Variants in CTNND2 observed in about 807,000 individuals in gnomAD.
CTNND2 encodes the protein catenin delta-2.
In CTNND2, 22 loss-of-function variants were observed where a neutral mutation model predicts 144.4. That is an observed-to-expected ratio of 0.15 (90% CI 0.11 to 0.22). The LOEUF (loss-of-function observed/expected upper bound fraction) is 0.22, where lower values mean the gene tolerates loss of function less well. Ranked by LOEUF, CTNND2 falls within the 10% of genes least tolerant of loss-of-function variation. The probability of loss-of-function intolerance (pLI) is 1.00; values close to 1 mark genes in which losing one functional copy is unlikely to be tolerated. For missense variants in CTNND2, 1,353 were observed against 1,618.8 expected, an observed-to-expected ratio of 0.84 and a Z score of 2.82; for synonymous variants, 751 against 695.6, an observed-to-expected ratio of 1.08 and a Z score of -1.25.
At chr5:11,552,044 G>C (rs150894214) in intron 3 of CTNND2, among the ~76,000 whole-genome samples, 14 of 152,184 alleles carry the variant, frequency 9.2e-5, no homozygotes, top group Non-Finnish European at 1.9e-4. Flanking sequence ...TGCTGAACCC[G>C]AACCTGAGCC....
chr5:10,990,431 G>A (rs148607390), intron 19 of CTNND2, among the ~76,000 whole-genome samples: 3 of 152,226 alleles, frequency 2.0e-5, no homozygotes, highest in African/African-American at 7.2e-5. Context: ...CTGGTTCCTC[G>A]CTAACCTCTT....
intron 2 of CTNND2, among the ~76,000 whole-genome samples, chr5:11,590,047 A>T (rs910481530): frequency 2.8e-5 from 4 of 144,366 alleles, no homozygotes; most frequent in African/African-American, 7.7e-5. Flanking sequence ...GATTTTGTAA[A>T]TTTTTTTTTT....
At chr5:11,599,734 G>A (rs549714824) in intron 2 of CTNND2, among the ~76,000 whole-genome samples, 6 of 152,262 alleles carry the variant, frequency 3.9e-5, no homozygotes, top group South Asian at 4.1e-4. Context: ...AAGTGATTGC[G>A]AAAATGGAGT....
intron 16 of CTNND2, among the ~76,000 whole-genome samples, chr5:11,041,210 T>C (rs545662209): frequency 6.6e-6 from 1 of 152,212 alleles, no homozygotes; most frequent in Non-Finnish European, 1.5e-5. Context: ...CAATTAAGGA[T>C]ATGGAGAGAG....
intron 1 of CTNND2, among the ~76,000 whole-genome samples, chr5:11,769,600 C>T (rs946389919): frequency 6.6e-6 from 1 of 152,092 alleles, no homozygotes; most frequent in Non-Finnish European, 1.5e-5. Flanking sequence ...ATCACTGAAA[C>T]AGACACTTAA....
chr5:11,715,751 A>G (rs1581764869), intron 2 of CTNND2, among the ~76,000 whole-genome samples: 1 of 152,212 alleles, frequency 6.6e-6, no homozygotes, highest in Non-Finnish European at 1.5e-5. Flanking sequence ...TGCCAAATAC[A>G]TGATTTAGTT....
chr5:10,990,378 C>T (rs1014991609), intron 19 of CTNND2, among the ~76,000 whole-genome samples: 5 of 152,178 alleles, frequency 3.3e-5, no homozygotes, highest in Non-Finnish European at 4.4e-5. Context: ...AGCTCTGTGC[C>T]CTGTCACTCA....
intron 3 of CTNND2, among the ~76,000 whole-genome samples, chr5:11,530,310 T>A (rs1396596323): frequency 6.6e-6 from 1 of 152,096 alleles, no homozygotes; most frequent in African/African-American, 2.4e-5. Context: ...TAATCCTGCC[T>A]CGATAACCAT....
intron 1 of CTNND2, among the ~76,000 whole-genome samples, chr5:11,783,208 G>A (rs1219708904): frequency 2.6e-5 from 4 of 152,126 alleles, no homozygotes; most frequent in Non-Finnish European, 5.9e-5. Context: ...GAGAATGCAG[G>A]AGAATTTCCT....
At chr5:11,062,833 G>A (rs907394709) in intron 16 of CTNND2, among the ~76,000 whole-genome samples, 1 of 152,178 alleles carries the variant, frequency 6.6e-6, no homozygotes, top group African/African-American at 2.4e-5. Flanking sequence ...TCTTTCACAC[G>A]TTCCCTTCTC....
chr5:11,112,071 G>A (rs905597872), intron 13 of CTNND2, among the ~76,000 whole-genome samples: 2 of 152,062 alleles, frequency 1.3e-5, no homozygotes, highest in Non-Finnish European at 2.9e-5. Context: ...GGATGGTCTC[G>A]ATCTCCTGAC....
intron 9 of CTNND2, among the ~76,000 whole-genome samples, chr5:11,261,909 T>C (rs572386569): frequency 6.6e-6 from 1 of 152,326 alleles, no homozygotes; most frequent in Admixed American, 6.5e-5. Flanking sequence ...AGCCCAGTGG[T>C]GTTAGATAAA....
At chr5:11,015,411 A>G (rs1433318669) in intron 18 of CTNND2, among the ~76,000 whole-genome samples, 2 of 152,250 alleles carry the variant, frequency 1.3e-5, no homozygotes. Flanking sequence ...TCATGGGTCC[A>G]CTGAAAACAT....
chr5:11,187,542 C>T (rs531799115), intron 11 of CTNND2, among the ~76,000 whole-genome samples: 4 of 152,140 alleles, frequency 2.6e-5, no homozygotes, highest in South Asian at 2.1e-4. Flanking sequence ...GACATAGGCA[C>T]GGGTAAAGAT....
At chr5:11,025,632 A>C (rs1471707066) in intron 16 of CTNND2, among the ~76,000 whole-genome samples, 2 of 152,218 alleles carry the variant, frequency 1.3e-5, no homozygotes, top group African/African-American at 2.4e-5. Flanking sequence ...GTGCATTAAG[A>C]AGGAAGGTTT....
In CTNND2 at chr5:11,762,832, T is replaced by C. The variant is rs571818518; in HGVS notation, c.38-30560A>G. Among the ~76,000 whole-genome samples the C allele has an allele frequency of 2.6e-5, 4 of 152,306 alleles. No individual in the cohort carries two copies. In the East Asian group the frequency reaches 5.8e-4, roughly 22 times the overall value. On this transcript the variant is annotated intron_variant, in intron 1 of 21. Transcript: ENST00000304623. The stretch of plus-strand genomic sequence containing the variant: ...TGGATCTGAAACCACACATTTGAGT[T>C]CACAAAAGAATGATAATTCACCAAC...
chr5:11,452,762 A>T (rs945509572), intron 3 of CTNND2, among the ~76,000 whole-genome samples: 1 of 152,232 alleles, frequency 6.6e-6, no homozygotes, highest in African/African-American at 2.4e-5. Context: ...TCTGGCATAG[A>T]ATCTAAACTT....
intron 16 of CTNND2, among the ~76,000 whole-genome samples, chr5:11,051,726 T>A (rs965931235): frequency 1.3e-5 from 2 of 152,220 alleles, no homozygotes; most frequent in African/African-American, 2.4e-5. Context: ...AGAGCATGAA[T>A]ATCCACCAAC....
chr5:11,095,077 G>C (rs1427761300), intron 15 of CTNND2, among the ~76,000 whole-genome samples: 2 of 152,182 alleles, frequency 1.3e-5, no homozygotes, highest in African/African-American at 4.8e-5. Flanking sequence ...ATTATGTAAA[G>C]TAGAAGAGAC....
Sources: gnomAD v4.1 joint callset for allele counts (sites outside exome capture counted in the v4.1 genomes callset) on GRCh38, gnomAD v4.1.1 for gene constraint, MANE v1.5 for transcripts, NCBI Gene and HGNC (gene_info 2026-07-23, HGNC 2026-07-21) for gene names.